SH3RF3: variants seen among roughly 807,000 people sequenced by gnomAD.
The protein encoded by SH3RF3 is E3 ubiquitin-protein ligase SH3RF3.
SH3RF3 carries 29 observed loss-of-function variants against 66.3 expected under a neutral mutation model. The ratio of observed to expected loss-of-function variants is 0.44; its 90% CI spans 0.33 to 0.60. The LOEUF (loss-of-function observed/expected upper bound fraction) is 0.60. SH3RF3 is among the 20% of genes least tolerant of loss of function. The probability of loss-of-function intolerance (pLI) is 0.04; values close to 1 mark genes in which losing one functional copy is unlikely to be tolerated. For missense variants in SH3RF3, 1,194 were observed against 1,190.9 expected (o/e 1.00, Z -0.04); for synonymous variants, 583 against 532.0 (o/e 1.10, Z -1.32).
At chr2:109,236,164 A>G (rs1679644324) in intron 1 of SH3RF3, among the ~76,000 whole-genome samples, 1 of 152,202 alleles carries the variant, frequency 6.6e-6, no homozygotes, top group Admixed American at 6.5e-5. Context: ...AGAACTCTTA[A>G]TCACTGCCAA....
At chr2:109,231,352 C>T (rs758307379) in intron 1 of SH3RF3, among the ~76,000 whole-genome samples, 5 of 152,198 alleles carry the variant, frequency 3.3e-5, no homozygotes, top group Non-Finnish European at 5.9e-5. Flanking sequence ...AAATAACTCC[C>T]CTGGGAGAAG....
chr2:109,211,553 C>T (rs555488340), intron 1 of SH3RF3, among the ~76,000 whole-genome samples: 92 of 152,258 alleles, frequency 6.0e-4, no homozygotes, highest in Middle Eastern at 3.4e-3. Context: ...CCGGGGCTGT[C>T]ACAGAGCAGG....
chr2:109,260,897 C>G (rs1207760759), intron 1 of SH3RF3, among the ~76,000 whole-genome samples: 1 of 152,126 alleles, frequency 6.6e-6, no homozygotes, highest in Non-Finnish European at 1.5e-5. Flanking sequence ...CTTCAGAACC[C>G]CATCCTGCCT....
intron 1 of SH3RF3, among the ~76,000 whole-genome samples, chr2:109,290,382 AC>A (rs1681135688): frequency 6.6e-6 from 1 of 152,274 alleles, no homozygotes; most frequent in Non-Finnish European, 1.5e-5. Context: ...GGATGAATGT[AC>A]CATAAATACT....
chr2:109,129,316 C>A lies in SH3RF3; in HGVS notation c.-225C>A. On this transcript the variant is annotated 5_prime_UTR_variant, in exon 1 of 10. Transcript: ENST00000309415. ...CGCAGGCGCTGCGCTCAGGACTGGG[C>A]GGGCTCGGCTGGCCGGTCCCCGCCA... The A allele has an allele frequency of 5.3e-6, 4 of 750,550 alleles. No individual in the cohort carries two copies. Among genetic ancestry groups the A allele is most frequent in the Non-Finnish European group, 8.7e-6 (4 of 461,664 alleles). 46.5% of individuals were successfully genotyped at this position (750,550 alleles called of 1,614,324 possible). A position where few individuals can be genotyped will look rare whatever the true frequency, so the allele number is the denominator to read the frequency against.
At position 109,198,819 on chromosome 2, in the gene SH3RF3, C is replaced by T. The variant is rs190849021; in HGVS notation, c.573+68706C>T. The stretch of plus-strand genomic sequence containing the variant: ...TTTGACATACCTAGGCTACGTGGCA[C>T]AGCCTGTGTTCCCCGGCTGCAGACC... On this transcript the variant is annotated intron_variant, in intron 1 of 9. Transcript: ENST00000309415. 5.9e-5 allele frequency among the ~76,000 whole-genome samples: 9 copies of T among 152,348 alleles called. No individual in the cohort carries two copies. In the East Asian group the frequency reaches 1.5e-3, roughly 26 times the overall value.
chr2:109,207,148 G>A (rs952332140), intron 1 of SH3RF3, among the ~76,000 whole-genome samples: 2 of 152,086 alleles, frequency 1.3e-5, no homozygotes, highest in Non-Finnish European at 1.5e-5. Context: ...TGGGGGTGAG[G>A]GTGCAATGAC....
At chr2:109,467,890 C>T (rs1678399429) in intron 8 of SH3RF3, among the ~76,000 whole-genome samples, 1 of 151,838 alleles carries the variant, frequency 6.6e-6, no homozygotes, top group Non-Finnish European at 1.5e-5. Flanking sequence ...ACCTCAGATG[C>T]CTGTAGCCAG....
intron 4 of SH3RF3, among the ~76,000 whole-genome samples, chr2:109,418,185 A>G (rs1283627497): frequency 3.3e-5 from 5 of 151,946 alleles, no homozygotes; most frequent in Non-Finnish European, 5.9e-5. Flanking sequence ...TGGGACCCCT[A>G]TTCTGCCCCT....
At chr2:109,273,572 T>C (rs919360148) in intron 1 of SH3RF3, among the ~76,000 whole-genome samples, 1 of 152,186 alleles carries the variant, frequency 6.6e-6, no homozygotes, top group African/African-American at 2.4e-5. Flanking sequence ...GCCAGGTGTC[T>C]TGTACAGATG....
At chr2:109,264,867 A>G (rs891322066) in intron 1 of SH3RF3, among the ~76,000 whole-genome samples, 1 of 152,218 alleles carries the variant, frequency 6.6e-6, no homozygotes, top group South Asian at 2.1e-4. Flanking sequence ...TTGGACAGAC[A>G]TCTTAAACAT....
At chr2:109,283,977 C>T (rs576204759) in intron 1 of SH3RF3, among the ~76,000 whole-genome samples, 49 of 152,282 alleles carry the variant, frequency 3.2e-4, no homozygotes, top group African/African-American at 1.0e-3. Flanking sequence ...CACCTCTGCC[C>T]GTGGGTGTTT....
At chr2:109,428,134 C>A (rs895742508) in intron 5 of SH3RF3, among the ~76,000 whole-genome samples, 1 of 152,198 alleles carries the variant, frequency 6.6e-6, no homozygotes. Flanking sequence ...AGGAAGCACA[C>A]GCCTCCCTAA....
chr2:109,417,311 A>C (rs1426866488), intron 4 of SH3RF3, among the ~76,000 whole-genome samples: 1 of 152,030 alleles, frequency 6.6e-6, no homozygotes, highest in African/African-American at 2.4e-5. Flanking sequence ...GTGACTCATG[A>C]TCCAGACCGG....
intron 7 of SH3RF3, among the ~76,000 whole-genome samples, chr2:109,437,881 A>G (rs547739563): frequency 6.6e-6 from 1 of 152,308 alleles, no homozygotes; most frequent in Admixed American, 6.5e-5. Flanking sequence ...CTGGGAGCCC[A>G]TGCCACGGCG....
intron 1 of SH3RF3, among the ~76,000 whole-genome samples, chr2:109,340,177 C>A (rs1013445829): frequency 2.0e-5 from 3 of 152,140 alleles, no homozygotes; most frequent in Admixed American, 6.5e-5. Context: ...GGAGGTCAGA[C>A]CACCTGGATC....
intron 8 of SH3RF3, among the ~76,000 whole-genome samples, chr2:109,486,050 A>G (rs573005552): frequency 6.6e-6 from 1 of 152,216 alleles, no homozygotes; most frequent in South Asian, 2.1e-4. Flanking sequence ...CCCTGCTTTC[A>G]ACCCATGTGT....
At chr2:109,386,081 A>G (rs1573210267) in intron 3 of SH3RF3, among the ~76,000 whole-genome samples, 1 of 152,170 alleles carries the variant, frequency 6.6e-6, no homozygotes, top group Non-Finnish European at 1.5e-5. Context: ...AAAAATCTCA[A>G]AAGAATGTAG....
At chr2:109,133,008 C>T (rs1461940984) in intron 1 of SH3RF3, among the ~76,000 whole-genome samples, 1 of 152,222 alleles carries the variant, frequency 6.6e-6, no homozygotes, top group Non-Finnish European at 1.5e-5. Context: ...AGAACATCTT[C>T]TGCAGTTCAT....
Sources: gnomAD v4.1 joint callset for allele counts (sites outside exome capture counted in the v4.1 genomes callset) on GRCh38, gnomAD v4.1.1 for gene constraint, MANE v1.5 for transcripts, NCBI Gene and HGNC (gene_info 2026-07-23, HGNC 2026-07-21) for gene names.